Variants in SAXO5 observed in about 807,000 individuals in gnomAD.
SAXO5 encodes testis expressed 45.
At chr19:7,508,237 G>A in the SAXO5 span, 1 of 1,613,994 alleles carries the variant, frequency 6.2e-7, no homozygotes, top group African/African-American at 1.3e-5. Context: ...CCCCCTCTGG[G>A]TGGACTGCGC....
chr19:7,508,233 C>T, the SAXO5 span: 1 of 1,614,002 alleles, frequency 6.2e-7, no homozygotes, highest in South Asian at 1.1e-5. Context: ...GGAGCCCCCT[C>T]TGGGTGGACT....
the SAXO5 span, chr19:7,504,073 A>T: frequency 2.5e-6 from 2 of 804,892 alleles, no homozygotes; most frequent in African/African-American, 3.2e-5. Flanking sequence ...GATGGCAGGG[A>T]ATCTCAATCT....
the SAXO5 span, chr19:7,500,708 A>T: frequency 8.0e-6 from 8 of 1,003,196 alleles, no homozygotes; most frequent in South Asian, 1.5e-4. Flanking sequence ...TGGCGAACAG[A>T]AAGGAGTCAA....
chr19:7,504,254 C>A, the SAXO5 span: 3 of 1,613,152 alleles, frequency 1.9e-6, no homozygotes, highest in Non-Finnish European at 1.7e-6. Context: ...GGGCTGCAGG[C>A]GGGGGCAGAA....
At chr19:7,505,369 C>T in the SAXO5 span, 1 of 1,614,256 alleles carries the variant, frequency 6.2e-7, no homozygotes, top group Non-Finnish European at 8.5e-7. Context: ...GTGTAAATAT[C>T]CGTCCTGGTG....
the SAXO5 span, chr19:7,508,321 C>T: frequency 6.2e-7 from 1 of 1,614,000 alleles, no homozygotes; most frequent in African/African-American, 1.3e-5. Context: ...CTGAAAAATC[C>T]TCAGGAGGGC....
the SAXO5 span, among the ~76,000 whole-genome samples, chr19:7,505,054 G>A: frequency 1.3e-5 from 2 of 149,512 alleles, no homozygotes; most frequent in South Asian, 4.2e-4. Context: ...CACAATCTCA[G>A]CTCACTGCAA....
the SAXO5 span, chr19:7,501,219 G>C: frequency 1.9e-6 from 3 of 1,547,800 alleles, no homozygotes; most frequent in Non-Finnish European, 2.6e-6. Flanking sequence ...CGCCGCCTAC[G>C]GCTGGCCCGA....
At chr19:7,507,083 A>G in the SAXO5 span, 1 of 1,613,968 alleles carries the variant, frequency 6.2e-7, no homozygotes, top group African/African-American at 1.3e-5. Context: ...ATGAACCAGA[A>G]GATGCTGAAG....
At chr19:7,506,215 C>A in the SAXO5 span, 63 of 1,429,414 alleles carry the variant, frequency 4.4e-5, no homozygotes, top group Non-Finnish European at 5.5e-5. Flanking sequence ...CCCGGGAAGC[C>A]CCACCCCCGA....
At chr19:7,504,191 C>G in the SAXO5 span, 5 of 1,613,978 alleles carry the variant, frequency 3.1e-6, no homozygotes, top group South Asian at 4.4e-5. Flanking sequence ...AGTTCCAGGC[C>G]CTGCCAGGCC....
At chr19:7,503,023 T>C in the SAXO5 span, among the ~76,000 whole-genome samples, 1 of 152,134 alleles carries the variant, frequency 6.6e-6, no homozygotes, top group Non-Finnish European at 1.5e-5. Flanking sequence ...GCTTAACCTC[T>C]CTGAGCCTCA....
the SAXO5 span, chr19:7,507,006 C>A: frequency 4.0e-6 from 6 of 1,491,518 alleles, no homozygotes; most frequent in African/African-American, 1.4e-5. Flanking sequence ...CACCCTCAGC[C>A]CCGCCTCGGC....
At chr19:7,498,393 CTTTTTT>C in the SAXO5 span, among the ~76,000 whole-genome samples, 8 of 115,356 alleles carry the variant, frequency 6.9e-5, no homozygotes, top group African/African-American at 1.6e-4. Flanking sequence ...GTATTTTTTT[CTTTTTT>C]TTTTTTTTTT....
At chr19:7,507,236 G>C in the SAXO5 span, 1 of 1,101,096 alleles carries the variant, frequency 9.1e-7, no homozygotes. Context: ...CTGTCTCAGA[G>C]TTAGTGATCA....
chr19:7,503,063 G>A, the SAXO5 span, among the ~76,000 whole-genome samples: 3 of 152,136 alleles, frequency 2.0e-5, no homozygotes, highest in Non-Finnish European at 4.4e-5. Flanking sequence ...AATGATACCA[G>A]GTCCAAGAAG....
At chr19:7,507,169 T>A in the SAXO5 span, 63 of 1,578,174 alleles carry the variant, frequency 4.0e-5, no homozygotes, top group Non-Finnish European at 5.3e-5. Flanking sequence ...GAGCCACCCA[T>A]CATTAGGCAA....
At chr19:7,506,662 C>G in the SAXO5 span, 1 of 349,830 alleles carries the variant, frequency 2.9e-6, no homozygotes, top group East Asian at 8.0e-5. Context: ...CCCCTAGCTC[C>G]TCCGTCCTCC....
At chr19:7,505,815 A>T in the SAXO5 span, 1 of 949,384 alleles carries the variant, frequency 1.1e-6, no homozygotes, top group Non-Finnish European at 1.6e-6. Flanking sequence ...GTAAAATGAG[A>T]TAAGAGTACC....
Sources: gnomAD v4.1 joint callset for allele counts (sites outside exome capture counted in the v4.1 genomes callset) on GRCh38, gnomAD v4.1.1 for gene constraint, MANE v1.5 for transcripts, NCBI Gene and HGNC (gene_info 2026-07-23, HGNC 2026-07-21) for gene names.